Variants in CFAP210 observed in about 807,000 individuals in gnomAD.
The protein encoded by CFAP210 is cilia- and flagella- associated protein 210.
the CFAP210 span, among the ~76,000 whole-genome samples, chr2:169,667,028 A>G: frequency 6.6e-6 from 1 of 151,998 alleles, no homozygotes; most frequent in South Asian, 2.1e-4. Context: ...TACTTTCTCC[A>G]CTGAAGTCTT....
the CFAP210 span, among the ~76,000 whole-genome samples, chr2:169,650,938 A>C: frequency 6.6e-6 from 1 of 151,856 alleles, no homozygotes; most frequent in East Asian, 1.9e-4. Flanking sequence ...CATCTCCACA[A>C]ATTTTTTAAG....
chr2:169,673,604 C>T, the CFAP210 span, among the ~76,000 whole-genome samples: 12 of 151,738 alleles, frequency 7.9e-5, no homozygotes, highest in African/African-American at 2.9e-4. Context: ...ATGTGACATA[C>T]AGGTATGTGA....
the CFAP210 span, chr2:169,646,136 T>C: frequency 6.2e-7 from 1 of 1,613,550 alleles, no homozygotes; most frequent in Non-Finnish European, 8.5e-7. Context: ...TCTGCAATAA[T>C]CTAATTCTGC....
the CFAP210 span, among the ~76,000 whole-genome samples, chr2:169,649,836 CAGG>C: frequency 6.6e-6 from 1 of 151,680 alleles, no homozygotes; most frequent in African/African-American, 2.4e-5. Flanking sequence ...GAGACTGAGG[CAGG>C]AGAATTGCTT....
At chr2:169,671,276 C>G in the CFAP210 span, among the ~76,000 whole-genome samples, 1 of 152,128 alleles carries the variant, frequency 6.6e-6, no homozygotes, top group African/African-American at 2.4e-5. Flanking sequence ...CCTCTACAGC[C>G]CACTTTTAGC....
chr2:169,651,088 G>A, the CFAP210 span, among the ~76,000 whole-genome samples: 17 of 151,836 alleles, frequency 1.1e-4, no homozygotes, highest in Non-Finnish European at 2.1e-4. Flanking sequence ...TTAGCCGGGC[G>A]TGGTGGCAGG....
the CFAP210 span, among the ~76,000 whole-genome samples, chr2:169,668,156 C>T: frequency 1.3e-5 from 2 of 152,172 alleles, no homozygotes; most frequent in Non-Finnish European, 2.9e-5. Context: ...TGATGCTTCA[C>T]CTTGTACATT....
chr2:169,689,219 T>C, the CFAP210 span, among the ~76,000 whole-genome samples: 1 of 152,190 alleles, frequency 6.6e-6, no homozygotes, highest in Non-Finnish European at 1.5e-5. Flanking sequence ...ACAATTCAAG[T>C]TGAGATTTGG....
the CFAP210 span, among the ~76,000 whole-genome samples, chr2:169,670,138 T>C: frequency 5.3e-5 from 8 of 152,234 alleles, no homozygotes; most frequent in Non-Finnish European, 7.3e-5. Context: ...AAAGTCTATG[T>C]GTCTGTTCCT....
the CFAP210 span, among the ~76,000 whole-genome samples, chr2:169,646,879 CTG>C: frequency 1.3e-5 from 2 of 151,942 alleles, no homozygotes; most frequent in Non-Finnish European, 2.9e-5. Context: ...TTTGTATTCT[CTG>C]TGGCATTTTA....
chr2:169,666,838 G>C, the CFAP210 span, among the ~76,000 whole-genome samples: 1 of 152,202 alleles, frequency 6.6e-6, no homozygotes, highest in South Asian at 2.1e-4. Flanking sequence ...CCATTTGAAT[G>C]GTTTTCACAG....
chr2:169,656,995 G>T, the CFAP210 span, among the ~76,000 whole-genome samples: 8 of 96,970 alleles, frequency 8.2e-5, no homozygotes, highest in Non-Finnish European at 1.1e-4. Context: ...AAAGAACAGA[G>T]TAAAAAAAAA....
chr2:169,684,214 A>T, the CFAP210 span, among the ~76,000 whole-genome samples: 1 of 152,278 alleles, frequency 6.6e-6, no homozygotes, highest in African/African-American at 2.4e-5. Context: ...CAAGCAGGAG[A>T]GAGGGGACAA....
chr2:169,684,306 T>C, the CFAP210 span, among the ~76,000 whole-genome samples: 5 of 152,346 alleles, frequency 3.3e-5, no homozygotes, highest in South Asian at 1.0e-3. Context: ...GATTAGATCA[T>C]CTTTTTATTG....
At chr2:169,694,147 T>C in the CFAP210 span, 53 of 985,284 alleles carry the variant, frequency 5.4e-5, no homozygotes, top group East Asian at 9.9e-4. Context: ...GCTTTCGACC[T>C]GGTGGAGTCC....
At chr2:169,694,378 C>T in the CFAP210 span, 1 of 1,579,042 alleles carries the variant, frequency 6.3e-7, no homozygotes, top group Non-Finnish European at 8.7e-7. Flanking sequence ...CCGCGGACGC[C>T]AGCCGGTGGA....
the CFAP210 span, among the ~76,000 whole-genome samples, chr2:169,665,701 T>C: frequency 1.3e-5 from 2 of 152,220 alleles, no homozygotes; most frequent in Admixed American, 6.5e-5. Context: ...ATAGTGTTTA[T>C]GCTGTATGCT....
chr2:169,659,818 C>T, the CFAP210 span, among the ~76,000 whole-genome samples: 1 of 152,190 alleles, frequency 6.6e-6, no homozygotes, highest in African/African-American at 2.4e-5. Context: ...ATTATGGCTT[C>T]AATCTCATCC....
the CFAP210 span, among the ~76,000 whole-genome samples, chr2:169,669,198 AC>A: frequency 6.6e-6 from 1 of 152,182 alleles, no homozygotes; most frequent in Non-Finnish European, 1.5e-5. Flanking sequence ...AAAATTCCAG[AC>A]CATAGAGAAA....
Sources: allele counts gnomAD v4.1 joint callset (sites outside exome capture counted in the v4.1 genomes callset), GRCh38; gene constraint gnomAD v4.1.1; transcripts MANE v1.5; gene names NCBI Gene and HGNC (gene_info 2026-07-23, HGNC 2026-07-21).